The following RBFOX1 variants were observed in gnomAD, a reference collection of about 807,000 sequenced individuals.
The protein encoded by RBFOX1 is RNA binding protein fox-1 homolog 1.
RBFOX1 carries 8 observed loss-of-function variants against 57.7 expected under a neutral mutation model. The observed-to-expected ratio is 0.14, with a 90% confidence interval of 0.08 to 0.25. The LOEUF (loss-of-function observed/expected upper bound fraction) is 0.25, where lower values mean the gene tolerates loss of function less well. RBFOX1 is among the 10% of genes least tolerant of loss of function. The pLI, the probability that RBFOX1 is intolerant of heterozygous loss-of-function variation, is 1.00. For missense variants in RBFOX1, 611 were observed against 548.5 expected (o/e 1.11, Z -1.14); for synonymous variants, 326 against 222.4 (o/e 1.47, Z -4.15).
chr16:6,883,025 A>G (rs1425452610), intron 3 of RBFOX1, among the ~76,000 whole-genome samples: 1 of 152,176 alleles, frequency 6.6e-6, no homozygotes, highest in Non-Finnish European at 1.5e-5. Context: ...CAGATATTCT[A>G]GATAACCCAT....
chr16:6,116,156 A>C (rs1164500723), intron 1 of RBFOX1, among the ~76,000 whole-genome samples: 1 of 152,108 alleles, frequency 6.6e-6, no homozygotes, highest in Non-Finnish European at 1.5e-5. Flanking sequence ...ATTCTCAGCA[A>C]ACTAACACAG....
chr16:7,515,179 T>C (rs2076087685), intron 4 of RBFOX1, among the ~76,000 whole-genome samples: 1 of 152,040 alleles, frequency 6.6e-6, no homozygotes, highest in Admixed American at 6.6e-5. Context: ...GGCATCGCTA[T>C]GAAATTTCTG....
At chr16:5,717,382 G>T (rs1454801743) in intron 3 of RBFOX1, among the ~76,000 whole-genome samples, 1 of 151,798 alleles carries the variant, frequency 6.6e-6, no homozygotes, top group East Asian at 1.9e-4. Flanking sequence ...TAGTTTTGGC[G>T]GTACAGGTGG....
At chr16:6,089,912 C>A (rs11649422) in intron 1 of RBFOX1, among the ~76,000 whole-genome samples, 56,464 of 152,068 alleles carry the variant, frequency 0.37, 11,658 homozygotes, top group Non-Finnish European at 0.44. Flanking sequence ...AATAAATGAT[C>A]ACATTCTTAG....
At chr16:7,069,265 C>A (rs1313614897) in intron 4 of RBFOX1, among the ~76,000 whole-genome samples, 1 of 152,128 alleles carries the variant, frequency 6.6e-6, no homozygotes, top group African/African-American at 2.4e-5. Context: ...TAAACATGTG[C>A]CATGGTGTTT....
At chr16:7,691,378 A>AG (rs2077282917) in intron 14 of RBFOX1, among the ~76,000 whole-genome samples, 1 of 151,950 alleles carries the variant, frequency 6.6e-6, no homozygotes, top group Non-Finnish European at 1.5e-5. Flanking sequence ...TCAAAAAAAA[A>AG]AAGTGGGGGA....
chr16:5,405,915 G>C (rs1210713411), intron 1 of RBFOX1, among the ~76,000 whole-genome samples: 1 of 152,162 alleles, frequency 6.6e-6, no homozygotes, highest in Non-Finnish European at 1.5e-5. Flanking sequence ...CTGAGGACAG[G>C]AGTCAGTAGG....
chr16:5,630,159 G>T (rs1241758413), intron 3 of RBFOX1, among the ~76,000 whole-genome samples: 20 of 152,168 alleles, frequency 1.3e-4, no homozygotes. Flanking sequence ...GATCAAGGAG[G>T]AAGCATAGGC....
At chr16:5,294,017 C>T (rs539407383) in intron 1 of RBFOX1, among the ~76,000 whole-genome samples, 3 of 152,228 alleles carry the variant, frequency 2.0e-5, no homozygotes, top group South Asian at 4.1e-4. Flanking sequence ...ACACCTGAGG[C>T]CAGGAGTTCG....
intron 4 of RBFOX1, among the ~76,000 whole-genome samples, chr16:7,055,046 A>T (rs993529133): frequency 6.6e-6 from 1 of 152,152 alleles, no homozygotes; most frequent in African/African-American, 2.4e-5. Context: ...CAAAACAGAC[A>T]CTGTGAAGTG....
At chr16:6,960,707 C>G (rs540817148) in intron 3 of RBFOX1, among the ~76,000 whole-genome samples, 17 of 152,192 alleles carry the variant, frequency 1.1e-4, no homozygotes, top group South Asian at 4.2e-4. Flanking sequence ...CGGGCCCACT[C>G]TCTGTACTGT....
Position 6,066,867 on chromosome 16 carries a change from G to A in RBFOX1, c.-127+46875G>A, listed in dbSNP as rs80080608. Among the ~76,000 whole-genome samples the A allele has an allele frequency of 1.8e-3, 279 of 152,118 alleles. 3 individuals are homozygous for A. In the East Asian group the frequency reaches 0.041, roughly 23 times the overall value. On this transcript the variant is annotated intron_variant, in intron 1 of 15. Coordinates refer to ENST00000550418, the MANE Select transcript of RBFOX1 (RefSeq NM_018723.4). The stretch of plus-strand genomic sequence containing the variant: ...GGCTTTTCTTTATTTGCAGCAGAAG[G>A]TAATTGCTTTAGACTTAACAGGCTG...
At chr16:6,850,373 C>G (rs1240572896) in intron 3 of RBFOX1, among the ~76,000 whole-genome samples, 1 of 152,062 alleles carries the variant, frequency 6.6e-6, no homozygotes, top group African/African-American at 2.4e-5. Flanking sequence ...GGAGAGAACC[C>G]TACTTAGGTA....
chr16:7,548,941 A>G (rs561291529), intron 5 of RBFOX1, among the ~76,000 whole-genome samples: 2 of 152,342 alleles, frequency 1.3e-5, no homozygotes, highest in Non-Finnish European at 2.9e-5. Flanking sequence ...GAACATGCAG[A>G]CCAAGGAAAA....
At chr16:7,483,940 A>G (rs1353191684) in intron 4 of RBFOX1, among the ~76,000 whole-genome samples, 1 of 152,244 alleles carries the variant, frequency 6.6e-6, no homozygotes, top group Non-Finnish European at 1.5e-5. Context: ...ATACAATCTC[A>G]CAGTCTCCAC....
intron 3 of RBFOX1, among the ~76,000 whole-genome samples, chr16:6,729,648 C>G (rs1380059675): frequency 6.6e-6 from 1 of 152,144 alleles, no homozygotes; most frequent in Non-Finnish European, 1.5e-5. Context: ...TCATTCTCTT[C>G]TAACTTTAGA....
chr16:5,938,693 G>C (rs2059219142), intron 4 of RBFOX1, among the ~76,000 whole-genome samples: 1 of 152,032 alleles, frequency 6.6e-6, no homozygotes, highest in Non-Finnish European at 1.5e-5. Context: ...TGGATCCTGA[G>C]GAATAGCCTG....
chr16:5,550,504 G>T (rs563483161), intron 2 of RBFOX1, among the ~76,000 whole-genome samples: 55 of 152,308 alleles, frequency 3.6e-4, no homozygotes, highest in Non-Finnish European at 4.4e-5. Context: ...CCTTGACCCA[G>T]AACTGAGAGA....
At chr16:7,003,900 C>G (rs1340017812) in intron 3 of RBFOX1, 1 of 151,018 alleles carries the variant, frequency 6.6e-6, no homozygotes, top group Non-Finnish European at 1.5e-5. Flanking sequence ...TTCAGTGGGT[C>G]AATGAAATGG....
Sources: gnomAD v4.1 joint callset for allele counts (sites outside exome capture counted in the v4.1 genomes callset) on GRCh38, gnomAD v4.1.1 for gene constraint, MANE v1.5 for transcripts, NCBI Gene and HGNC (gene_info 2026-07-23, HGNC 2026-07-21) for gene names.